The following CNTNAP2 variants were observed in gnomAD, a reference collection of about 807,000 sequenced individuals.
The protein encoded by CNTNAP2 is contactin associated protein 2.
CNTNAP2 carries 98 observed loss-of-function variants against 155.2 expected under a neutral mutation model. That is an observed-to-expected ratio of 0.63 (90% CI 0.54 to 0.75). CNTNAP2 has a LOEUF of 0.75. Among genes scored for constraint, CNTNAP2 ranks in the 30% least tolerant of loss-of-function variants. The pLI is 0.00. For missense variants in CNTNAP2, 1,727 were observed against 1,688.1 expected, an observed-to-expected ratio of 1.02 and a Z score of -0.40; for synonymous variants, 651 against 631.2, an observed-to-expected ratio of 1.03 and a Z score of -0.47.
chr7:146,969,380 C>G (rs4610649), intron 3 of CNTNAP2, among the ~76,000 whole-genome samples: 40,232 of 151,720 alleles, frequency 0.27, 6,577 homozygotes, highest in Non-Finnish European at 0.36. Context: ...AACTTTCTGT[C>G]TTGTTGATCT....
At chr7:147,499,329 C>G (rs1017636211) in intron 11 of CNTNAP2, among the ~76,000 whole-genome samples, 1 of 151,886 alleles carries the variant, frequency 6.6e-6, no homozygotes, top group Non-Finnish European at 1.5e-5. Context: ...GAGATCAAGA[C>G]CATCCTGTCT....
At chr7:148,190,583 A>G (rs1328184661) in intron 18 of CNTNAP2, 2 of 152,272 alleles carry the variant, frequency 1.3e-5, no homozygotes, top group African/African-American at 4.8e-5. Flanking sequence ...CTATATATGA[A>G]AGGAGATTTA....
Position 147,121,531 on chromosome 7 carries a change from AT to A in CNTNAP2, c.939+371del, listed in dbSNP as rs1554440759. The A allele has an allele frequency of 5.3e-5, 10 of 190,306 alleles. 1 individual carries two copies. Among genetic ancestry groups the A allele is most frequent in the Non-Finnish European group, 1.1e-4 (10 of 90,676 alleles). 11.8% of individuals were successfully genotyped at this position (190,306 alleles called of 1,614,324 possible). ...CATTATATGCAGAGGGTTGTCTAAT[AT>A]TTATTATAAAGTATTGAATAAGAAA... On this transcript the variant is annotated intron_variant, in intron 6 of 23. Transcript: ENST00000361727.
chr7:148,194,886 T>C (rs1212618376), intron 18 of CNTNAP2, among the ~76,000 whole-genome samples: 2 of 152,178 alleles, frequency 1.3e-5, no homozygotes, highest in Non-Finnish European at 2.9e-5. Context: ...TACTAATTTA[T>C]GGCAACACCC....
chr7:146,953,084 C>G (rs1430790194), intron 3 of CNTNAP2, among the ~76,000 whole-genome samples: 1 of 151,976 alleles, frequency 6.6e-6, no homozygotes, highest in African/African-American at 2.4e-5. Context: ...TATTCTAGCT[C>G]TCAAGGCTGG....
intron 3 of CNTNAP2, among the ~76,000 whole-genome samples, chr7:146,850,559 A>G (rs1432184558): frequency 6.6e-6 from 1 of 152,164 alleles, no homozygotes; most frequent in African/African-American, 2.4e-5. Context: ...ATAGATTATT[A>G]TTTTTATGAT....
At chr7:146,594,939 G>A (rs1426488140) in intron 1 of CNTNAP2, among the ~76,000 whole-genome samples, 2 of 152,136 alleles carry the variant, frequency 1.3e-5, no homozygotes, top group South Asian at 2.1e-4. Context: ...AGGAAGAGGT[G>A]TGTAGTGACA....
chr7:146,496,344 C>G (rs191477832), intron 1 of CNTNAP2, among the ~76,000 whole-genome samples: 6 of 152,280 alleles, frequency 3.9e-5, no homozygotes, highest in Admixed American at 3.9e-4. Flanking sequence ...TTTACTTCGT[C>G]AATTCCTTGA....
chr7:146,787,594 CAA>C (rs1198549335), intron 2 of CNTNAP2, among the ~76,000 whole-genome samples: 2 of 152,098 alleles, frequency 1.3e-5, no homozygotes. Flanking sequence ...CGCACGGACA[CAA>C]AGAGTGAGCA....
At chr7:148,004,261 G>A (rs369042043) in intron 15 of CNTNAP2, among the ~76,000 whole-genome samples, 13 of 152,168 alleles carry the variant, frequency 8.5e-5, no homozygotes, top group East Asian at 1.9e-4. Flanking sequence ...CTAGAACACA[G>A]TTTCTAGTAT....
At chr7:147,297,266 GATTC>G (rs1332116295) in intron 8 of CNTNAP2, among the ~76,000 whole-genome samples, 1 of 152,046 alleles carries the variant, frequency 6.6e-6, no homozygotes, top group Non-Finnish European at 1.5e-5. Flanking sequence ...CACTCCCTCA[GATTC>G]ATTCAGTTAT....
chr7:147,118,136 A>T (rs909088077), intron 5 of CNTNAP2, among the ~76,000 whole-genome samples: 1 of 152,204 alleles, frequency 6.6e-6, no homozygotes, highest in African/African-American at 2.4e-5. Context: ...AATTTTTATC[A>T]AGTAAGTAAA....
At chr7:147,680,700 A>G (rs902230730) in intron 13 of CNTNAP2, among the ~76,000 whole-genome samples, 1 of 151,978 alleles carries the variant, frequency 6.6e-6, no homozygotes, top group African/African-American at 2.4e-5. Flanking sequence ...GCAAGCAGAC[A>G]TAAAAATAAG....
intron 8 of CNTNAP2, among the ~76,000 whole-genome samples, chr7:147,144,020 A>G (rs1018647187): frequency 6.6e-6 from 1 of 152,114 alleles, no homozygotes. Context: ...GACACGATTA[A>G]CTCCAGGGAA....
intron 1 of CNTNAP2, among the ~76,000 whole-genome samples, chr7:146,432,390 A>T (rs1482129573): frequency 6.6e-6 from 1 of 152,132 alleles, no homozygotes; most frequent in East Asian, 1.9e-4. Flanking sequence ...TCAGTAAAAT[A>T]AATAAATTGA....
rs192116227 is a variant in CNTNAP2 at position 148,262,059 on chromosome 7, G to C, written c.3382-4974G>C. Among the ~76,000 whole-genome samples the C allele has an allele frequency of 1.7e-3, 263 of 152,270 alleles. 4 individuals are homozygous for C. The highest frequency in any genetic ancestry group is 2.1e-4 in the Non-Finnish European group (14 of 68,028). On this transcript the variant is annotated intron_variant, in intron 20 of 23. Coordinates refer to ENST00000361727, the MANE Select transcript of CNTNAP2 (RefSeq NM_014141.6). Reference sequence around the variant, plus strand: ...AGCAACGAGTTGATTGATAATTGACGCAAAGGGACCCATATACCTTAGAGA... The same window carrying C: ...AGCAACGAGTTGATTGATAATTGACCCAAAGGGACCCATATACCTTAGAGA...
intron 1 of CNTNAP2, among the ~76,000 whole-genome samples, chr7:146,231,994 CAG>C (rs1440182005): frequency 2.0e-5 from 3 of 152,086 alleles, no homozygotes; most frequent in Non-Finnish European, 4.4e-5. Context: ...GAAGGTTAAA[CAG>C]AGGTTATTCT....
At chr7:146,642,618 T>TA (rs1462380165) in intron 1 of CNTNAP2, among the ~76,000 whole-genome samples, 2 of 151,826 alleles carry the variant, frequency 1.3e-5, no homozygotes, top group Non-Finnish European at 2.9e-5. Flanking sequence ...GCAATAAACA[T>TA]ACGTGTGCAT....
intron 20 of CNTNAP2, among the ~76,000 whole-genome samples, chr7:148,246,594 A>T (rs1470469575): frequency 6.6e-6 from 1 of 151,922 alleles, no homozygotes; most frequent in Non-Finnish European, 1.5e-5. Flanking sequence ...AAACTAGGAG[A>T]CCAGCCAATA....
Sources: allele counts gnomAD v4.1 joint callset (sites outside exome capture counted in the v4.1 genomes callset), GRCh38; gene constraint gnomAD v4.1.1; transcripts MANE v1.5; gene names NCBI Gene and HGNC (gene_info 2026-07-23, HGNC 2026-07-21).